The following ATP2B2 variants were observed in gnomAD, a reference collection of about 807,000 sequenced individuals.
The protein encoded by ATP2B2 is ATPase plasma membrane Ca2+ transporting 2.
ATP2B2 carries 15 observed loss-of-function variants against 120.0 expected under a neutral mutation model. The observed-to-expected ratio is 0.12, with a 90% confidence interval of 0.08 to 0.19. The LOEUF is 0.19. Ranked by LOEUF, ATP2B2 falls within the 10% of genes least tolerant of loss-of-function variation. The pLI is 1.00. For synonymous variants in ATP2B2, 694 were observed against 700.3 expected, an observed-to-expected ratio of 0.99 and a Z score of 0.14; for missense variants, 1,045 against 1,719.8, an observed-to-expected ratio of 0.61 and a Z score of 6.94.
At chr3:10,695,409 C>A (rs2071728726) in intron 1 of ATP2B2, among the ~76,000 whole-genome samples, 1 of 152,118 alleles carries the variant, frequency 6.6e-6, no homozygotes, top group Non-Finnish European at 1.5e-5. Flanking sequence ...CGGGTCCCTC[C>A]CACAACACAT....
At chr3:10,666,435 G>C (rs1204544319) in intron 1 of ATP2B2, among the ~76,000 whole-genome samples, 1 of 152,058 alleles carries the variant, frequency 6.6e-6, no homozygotes, top group Non-Finnish European at 1.5e-5. Context: ...GATACCCCAG[G>C]TACTGATTGG....
At chr3:10,533,524 ATAC>A (rs2067251607) in intron 3 of ATP2B2, among the ~76,000 whole-genome samples, 1 of 152,170 alleles carries the variant, frequency 6.6e-6, no homozygotes, top group South Asian at 2.1e-4. Flanking sequence ...ACCAATAAAC[ATAC>A]TACTGCCACT....
intron 3 of ATP2B2, among the ~76,000 whole-genome samples, chr3:10,520,040 C>T (rs1401806441): frequency 6.6e-6 from 1 of 152,198 alleles, no homozygotes; most frequent in African/African-American, 2.4e-5. Flanking sequence ...CCACCCTGAT[C>T]CCTCATGGTC....
At chr3:10,456,243 T>C (rs919218970) in intron 1 of ATP2B2, among the ~76,000 whole-genome samples, 1 of 152,378 alleles carries the variant, frequency 6.6e-6, no homozygotes, top group South Asian at 2.1e-4. Flanking sequence ...ACATGAATTA[T>C]GTGCTAAAAA....
chr3:10,565,282 A>T (rs1260974245), intron 2 of ATP2B2, among the ~76,000 whole-genome samples: 1 of 152,090 alleles, frequency 6.6e-6, no homozygotes, highest in Non-Finnish European at 1.5e-5. Flanking sequence ...CCTAGCCTTT[A>T]TTATCCTAAC....
chr3:10,453,138 A>G (rs1390885048), intron 1 of ATP2B2, among the ~76,000 whole-genome samples: 1 of 152,236 alleles, frequency 6.6e-6, no homozygotes, highest in Admixed American at 6.5e-5. Flanking sequence ...GGCGTTATGC[A>G]TAGGGCTCTG....
intron 1 of ATP2B2, among the ~76,000 whole-genome samples, chr3:10,454,426 T>C (rs2064182137): frequency 6.6e-6 from 1 of 152,162 alleles, no homozygotes; most frequent in African/African-American, 2.4e-5. Context: ...TGTGAGCCAG[T>C]ATAGAGGGAC....
intron 2 of ATP2B2, among the ~76,000 whole-genome samples, chr3:10,446,848 G>C (rs185700769): frequency 1.8e-4 from 28 of 152,364 alleles, no homozygotes; most frequent in Non-Finnish European, 3.1e-4. Flanking sequence ...GCAGGTGGCA[G>C]AGCAATAGAG....
At chr3:10,664,186 C>T (rs574294606) in intron 1 of ATP2B2, among the ~76,000 whole-genome samples, 112 of 152,166 alleles carry the variant, frequency 7.4e-4, no homozygotes, top group Non-Finnish European at 1.2e-3. Context: ...AGAGCCGGCA[C>T]CCTGCTCCCT....
chr3:10,338,526 CT>C (rs34558372), intron 21 of ATP2B2, among the ~76,000 whole-genome samples, 168 bp from the exon 22 acceptor site: 913 of 88,490 alleles, frequency 0.01, 8 homozygotes, highest in African/African-American at 0.044. Context: ...TTGACAATGT[CT>C]TTTTTTTTTT....
chr3:10,418,880 G>A (rs975097839), intron 2 of ATP2B2, among the ~76,000 whole-genome samples: 1 of 152,224 alleles, frequency 6.6e-6, no homozygotes, highest in Non-Finnish European at 1.5e-5. Flanking sequence ...GTGGAATTCA[G>A]TCGAGGGCAG....
At chr3:10,450,589 A>G (rs1209210224) in intron 1 of ATP2B2, among the ~76,000 whole-genome samples, 2 of 152,228 alleles carry the variant, frequency 1.3e-5, no homozygotes, top group African/African-American at 4.8e-5. Context: ...CAAAGAAGCC[A>G]GGTCATACAT....
At chr3:10,688,409 A>G (rs2071575852) in intron 1 of ATP2B2, among the ~76,000 whole-genome samples, 1 of 152,212 alleles carries the variant, frequency 6.6e-6, no homozygotes, top group Non-Finnish European at 1.5e-5. Context: ...GACTCTCCAG[A>G]GTGAAGACCT....
intron 22 of ATP2B2, among the ~76,000 whole-genome samples, chr3:10,330,910 T>TGAC (rs1225997953): frequency 6.6e-6 from 1 of 152,238 alleles, no homozygotes; most frequent in African/African-American, 2.4e-5. Context: ...AGAGAAGAAT[T>TGAC]TAACATAAGC....
chr3:10,340,736 G>T lies in ATP2B2; in HGVS notation c.2918-32C>A, dbSNP rs1374432248. On this transcript the variant is annotated intron_variant, in intron 19 of 22. Transcript: ENST00000360273. The surrounding 1 kb of genome is among the most constrained non-coding windows in gnomAD (Gnocchi z 5.0). ...AGTGAGAGAGTGGGGCTGGGCTGAA[G>T]GCAGTGGTGGGGGAATCAGAGGGGA... 3.1e-6 allele frequency: 5 copies of T among 1,611,544 alleles called. No individual in the cohort carries two copies. In the Admixed American group the frequency reaches 8.3e-5, roughly 27 times the overall value.
intron 2 of ATP2B2, among the ~76,000 whole-genome samples, chr3:10,413,353 C>G (rs148877962): frequency 2.6e-5 from 4 of 152,338 alleles, no homozygotes; most frequent in African/African-American, 9.6e-5. Flanking sequence ...ACTGGGGGAG[C>G]CCAGGGATGG....
intron 1 of ATP2B2, among the ~76,000 whole-genome samples, chr3:10,647,704 G>C (rs989778196): frequency 6.6e-6 from 1 of 152,242 alleles, no homozygotes; most frequent in Non-Finnish European, 1.5e-5. Flanking sequence ...TCCTAGGACA[G>C]TGAAGGCATC....
In ATP2B2 at chr3:10,683,423, C is replaced by T. The variant is rs186320035; in HGVS notation, c.-460+24492G>A. ...TAGGGTCAGTGTTGCTTGGGTTTTG[C>T]TGAATTCATGGTACTACTCATTCTT... is the stretch of plus-strand genomic sequence containing the variant. On this transcript the variant is annotated intron_variant, in intron 1 of 21. Coordinates refer to the ATP2B2 transcript ENST00000646379. Among the ~76,000 whole-genome samples, 7 of 152,066 alleles carry T rather than the reference C, an allele frequency of 4.6e-5. No individual in the cohort carries two copies. In the East Asian group the frequency reaches 1.2e-3, roughly 25 times the overall value.
intron 2 of ATP2B2, among the ~76,000 whole-genome samples, chr3:10,419,191 T>A (rs954640763): frequency 1.3e-5 from 2 of 152,194 alleles, no homozygotes; most frequent in African/African-American, 4.8e-5. Context: ...GGGATGTGTG[T>A]GCTGAGGTTG....
Sources: allele counts gnomAD v4.1 joint callset (sites outside exome capture counted in the v4.1 genomes callset), GRCh38; gene constraint gnomAD v4.1.1; non-coding constraint Gnocchi (gnomAD v3.1); transcripts MANE v1.5; gene names NCBI Gene and HGNC (gene_info 2026-07-23, HGNC 2026-07-21).